Variants in EPG5 observed in about 807,000 individuals in gnomAD.
EPG5 encodes ectopic P granules protein 5 homolog.
Under a neutral mutation model 302.7 loss-of-function variants are expected in EPG5, and 159 were observed. That is an observed-to-expected ratio of 0.53 (90% confidence interval 0.46 to 0.60). EPG5 has a LOEUF of 0.60. Among genes scored for constraint, EPG5 ranks in the 20% least tolerant of loss-of-function variants. The pLI is 0.00. For synonymous variants in EPG5, 1,158 were observed against 1,136.8 expected (o/e 1.02, Z -0.37); for missense variants, 2,896 against 3,092.4 (o/e 0.94, Z 1.51).
rs7237763 is a variant in EPG5, at chr18:45,915,451, G to T, written c.3693+60C>A. On this transcript the variant is annotated intron_variant, in intron 20 of 43. Transcript: ENST00000282041. The stretch of plus-strand genomic sequence containing the variant: ...AGACAATTAGTAATTTCTTTGTAAG[G>T]ATGATCATGAGATTAAAGTTCACAA... 0.081 allele frequency: 94,590 copies of T among 1,170,134 alleles called. 4,343 individuals carry two copies. Among genetic ancestry groups the T allele is most frequent in the African/African-American group, 0.14 (9,001 of 65,914 alleles). 72.5% of individuals were successfully genotyped at this position (1,170,134 alleles called of 1,614,324 possible).
rs2048401303 is a variant in EPG5, at chr18:45,849,774, A to C, written c.*2693T>G. ...GAGCCAACAAAGGATGGTGAGACTG[A>C]GAAATGAGTCACGCCTTGGAGCTGA... On this transcript the variant is annotated 3_prime_UTR_variant, in exon 44 of 44. Coordinates refer to ENST00000282041, the MANE Select transcript of EPG5 (RefSeq NM_020964.3). 6.6e-6 allele frequency: 1 copy of C among 152,336 alleles called. No homozygotes were observed. Among genetic ancestry groups the C allele is most frequent in the Admixed American group, 6.5e-5 (1 of 15,284 alleles). 9.4% of individuals were successfully genotyped at this position (152,336 alleles called of 1,614,324 possible). A position where few individuals can be genotyped will look rare whatever the true frequency, so the allele number is the denominator to read the frequency against.
At chr18:45,829,204 G>A in the EPG5 span, 19 of 953,426 alleles carry the variant, frequency 2.0e-5, no homozygotes, top group African/African-American at 1.2e-4. Flanking sequence ...CCACACCCAC[G>A]CCACAGTCAG....
chr18:45,907,766 G>A (rs2145640218), intron 24 of EPG5, 192 bp downstream of exon 24: 1 of 488,226 alleles, frequency 2.0e-6, no homozygotes, highest in South Asian at 4.4e-5. Context: ...AGGCACGGTG[G>A]GGCTGGAGAT....
chr18:45,953,434 CCTTA>C, intron 2 of EPG5: 14 of 985,376 alleles, frequency 1.4e-5, no homozygotes, highest in Non-Finnish European at 1.6e-5. Flanking sequence ...ATATTTCCCT[CCTTA>C]CTATGTACAG....
Position 45,915,521 on chromosome 18 carries a change from G to T in EPG5, c.3683C>A (p.Thr1228Lys), listed in dbSNP as rs556565796. The T allele has an allele frequency of 6.2e-7, 1 of 1,612,770 alleles. No homozygotes were observed. Among genetic ancestry groups the T allele is most frequent in the African/African-American group, 1.3e-5 (1 of 75,008 alleles). ...CAGTGAGTTTCCTACCTGAGTGGGC[G>T]TGGCCAAGCCCTCCACAAAGGAAGG... is the stretch of plus-strand genomic sequence containing the variant. ...ITPSFVEGLA[T>K]PTQVWFAWTV... Residue 1228 changes from threonine to lysine, a missense_variant, in exon 20 of 44, where the codon ACG becomes AAG. Transcript: ENST00000282041.
rs2145846069 is a variant in EPG5, at chr18:45,934,909, C to T, written c.2157G>A (p.Met719Ile). The T allele has an allele frequency of 1.2e-6, 2 of 1,614,182 alleles. No individual in the cohort carries two copies. The highest frequency in any genetic ancestry group is 1.1e-5 in the South Asian group (1 of 91,090). Residue 719 changes from methionine to isoleucine, a missense_variant, in exon 11 of 44, where the codon ATG becomes ATA. Met to Ile is a conservative substitution (Grantham distance 10). Transcript: ENST00000282041. ...GCATGAGGTAGAAGAGCTTCCACAG[C>T]ATTTGCACAGACAGAGTCCCAAAGG... is the stretch of plus-strand genomic sequence containing the variant. ...EMPFGTLSVQ[M>I]LWKLFYLMHQ... is the part of the protein sequence containing the mutation.
chr18:45,858,169 G>A, intron 41 of EPG5, 101 bp from the exon 42 acceptor site: 1 of 864,814 alleles, frequency 1.2e-6, no homozygotes. Context: ...GAGACATTCA[G>A]TACTTCAAAA....
chr18:45,938,478 A>C (rs552140657), intron 10 of EPG5, among the ~76,000 whole-genome samples: 1 of 151,674 alleles, frequency 6.6e-6, no homozygotes, highest in Non-Finnish European at 1.5e-5. Flanking sequence ...AAAAAAAAAA[A>C]GATAAATTTC....
At chr18:45,881,288 C>T (rs1448873895) in intron 31 of EPG5, among the ~76,000 whole-genome samples, 5 of 152,202 alleles carry the variant, frequency 3.3e-5, no homozygotes, top group Admixed American at 3.3e-4. Context: ...CCACAACACA[C>T]ACTATTTGAA....
intron 14 of EPG5, among the ~76,000 whole-genome samples, chr18:45,925,122 G>A (rs2050240239): frequency 6.6e-6 from 1 of 152,152 alleles, no homozygotes; most frequent in Non-Finnish European, 1.5e-5. Flanking sequence ...GGAGAAAAAG[G>A]AATGAGAGGC....
At chr18:45,921,521 G>A (rs2145751900) in intron 16 of EPG5, among the ~76,000 whole-genome samples, 1 of 152,266 alleles carries the variant, frequency 6.6e-6, no homozygotes, top group South Asian at 2.1e-4. Flanking sequence ...CAAGACAAAT[G>A]CCATTCCTGG....
chr18:45,917,911 G>T, intron 16 of EPG5, 92 bp from the exon 17 acceptor site: 1 of 1,314,350 alleles, frequency 7.6e-7, no homozygotes. Context: ...AATACCTTGG[G>T]TTATCTCAGG....
At chr18:45,913,965 C>T in intron 20 of EPG5, 137 bp from the exon 21 acceptor site, 1 of 926,208 alleles carries the variant, frequency 1.1e-6, no homozygotes, top group South Asian at 1.7e-5. Flanking sequence ...AAAATTAACA[C>T]CTTTTTATAC....
intron 11 of EPG5, among the ~76,000 whole-genome samples, chr18:45,934,433 C>A (rs1035762032): frequency 6.6e-6 from 1 of 152,026 alleles, no homozygotes; most frequent in African/African-American, 2.4e-5. Context: ...TTTAAAAAAA[C>A]AGCAATAAAA....
Position 45,851,725 on chromosome 18 carries a change from C to T in EPG5, c.*742G>A, listed in dbSNP as rs1267039774. The T allele has an allele frequency of 6.6e-6, 1 of 152,292 alleles. No individual in the cohort carries two copies. The highest frequency in any genetic ancestry group is 1.5e-5 in the Non-Finnish European group (1 of 68,098). The allele number at this position is 152,292 out of a possible 1,614,324, so 9.4% of individuals were successfully genotyped here. A position where few individuals can be genotyped will look rare whatever the true frequency, so the allele number is the denominator to read the frequency against. ...CCCGACTAGAGAGAGGCAGCCCTGT[C>T]TGCACTCCTCACCAAGTGGACCAAA... On this transcript the variant is annotated 3_prime_UTR_variant, in exon 44 of 44. Coordinates refer to ENST00000282041, the MANE Select transcript of EPG5 (RefSeq NM_020964.3).
intron 30 of EPG5, among the ~76,000 whole-genome samples, 176 bp from the exon 31 acceptor site, chr18:45,882,663 A>AAAAT (rs1274066425): frequency 6.6e-6 from 1 of 152,132 alleles, no homozygotes; most frequent in African/African-American, 2.4e-5. Flanking sequence ...AGCTAATTGT[A>AAAAT]AAATAAATAA....
intron 25 of EPG5, among the ~76,000 whole-genome samples, chr18:45,902,447 A>G (rs532442925): frequency 6.6e-6 from 1 of 152,346 alleles, no homozygotes; most frequent in East Asian, 1.9e-4. Flanking sequence ...TTCAAACCCA[A>G]TATAAGTTAC....
intron 11 of EPG5, among the ~76,000 whole-genome samples, chr18:45,933,591 T>C (rs780513381): frequency 4.6e-5 from 7 of 151,282 alleles, no homozygotes; most frequent in Admixed American, 2.6e-4. Context: ...GCTAGGAGAA[T>C]CACTTGAGCC....
At position 45,882,477 on chromosome 18, in the gene EPG5, T is replaced by A. The variant is rs774900019; in HGVS notation, c.5315A>T (p.Lys1772Ile). Residue 1772 changes from lysine (K) to isoleucine (I), a missense_variant, in exon 31 of 44, where the codon AAA (lysine) becomes ATA (isoleucine). Around this residue, in one of 5 missense-constraint regions of EPG5, gnomAD observed 790 missense variants for 798.0 expected, o/e 0.99. Transcript: ENST00000282041. Reference protein sequence around the residue: ...IFMLLTKFDLKQWLSATKPPL... With the variant: ...IFMLLTKFDLIQWLSATKPPL... ...AGGTTTAGTGGCGCTTAACCATTGT[T>A]TAAGATCGAACTAAAAAGAAAAAGA... The A allele has an allele frequency of 8.1e-6, 13 of 1,605,678 alleles. No homozygotes were observed. Among genetic ancestry groups the A allele is most frequent in the Non-Finnish European group, 1.1e-5 (13 of 1,177,412 alleles).
Sources: gnomAD v4.1 joint callset for allele counts (sites outside exome capture counted in the v4.1 genomes callset) on GRCh38, gnomAD v4.1.1 for gene constraint, gnomAD v4.1.1 regional missense constraint, MANE v1.5 for transcripts, NCBI Gene and HGNC (gene_info 2026-07-23, HGNC 2026-07-21) for gene names.